Variants in EHMT1 observed in about 807,000 individuals in gnomAD.
The protein encoded by EHMT1 is euchromatic histone lysine methyltransferase 1, also known as histone-lysine N-methyltransferase EHMT1.
EHMT1 carries 15 observed loss-of-function variants against 147.2 expected under a neutral mutation model. The observed-to-expected ratio is 0.10, with a 90% CI of 0.07 to 0.16. The LOEUF (loss-of-function observed/expected upper bound fraction) is 0.16. Ranked by LOEUF, EHMT1 falls within the 10% of genes least tolerant of loss-of-function variation. The probability of loss-of-function intolerance (pLI) is 1.00; values close to 1 mark genes in which losing one functional copy is unlikely to be tolerated. For synonymous variants in EHMT1, 795 were observed against 709.6 expected (o/e 1.12, Z -1.91); for missense variants, 1,587 against 1,772.4 (o/e 0.90, Z 1.88).
At chr9:137,817,058 G>C (rs981937835) in intron 23 of EHMT1, 2 of 284,822 alleles carry the variant, frequency 7.0e-6, no homozygotes, top group Admixed American at 4.7e-5. Flanking sequence ...GCTCCTTGTC[G>C]GGAGCAGGCT....
chr9:137,792,485 A>T (rs1009548930), intron 16 of EHMT1, among the ~76,000 whole-genome samples: 2 of 152,198 alleles, frequency 1.3e-5, no homozygotes, highest in African/African-American at 2.4e-5. Context: ...CAGGTGGATC[A>T]CCTGAGGTCA....
intron 18 of EHMT1, chr9:137,803,103 A>C (rs1953642006): frequency 2.9e-5 from 36 of 1,229,600 alleles, no homozygotes; most frequent in Non-Finnish European, 3.6e-5. Context: ...GGCAGTTTGC[A>C]GCCTGTCCAG....
At chr9:137,637,017 C>A (rs1057398347) in intron 1 of EHMT1, among the ~76,000 whole-genome samples, 2 of 151,610 alleles carry the variant, frequency 1.3e-5, no homozygotes, top group African/African-American at 2.4e-5. Flanking sequence ...CCCGCCTCAG[C>A]CTCCTGAGTG....
At position 137,690,209 on chromosome 9, in the gene EHMT1, G is replaced by A. The variant is rs145299184; in HGVS notation, c.22-20758G>A. On this transcript the variant is annotated intron_variant, in intron 1 of 26. Coordinates refer to ENST00000460843, the MANE Select transcript of EHMT1 (RefSeq NM_024757.5). ...TTTGAAGGCGGAGACTAGATTTGCC[G>A]ATGGACGTCATGTAGAATTTGGAAG... is the stretch of plus-strand genomic sequence containing the variant. Among the ~76,000 whole-genome samples, 1,388 of 152,250 alleles carry A rather than the reference G, an allele frequency of 9.1e-3. 27 individuals carry two copies. The highest frequency in any genetic ancestry group is 0.031 in the African/African-American group (1,294 of 41,532).
At chr9:137,671,077 C>T (rs1281919572) in intron 1 of EHMT1, among the ~76,000 whole-genome samples, 1 of 152,166 alleles carries the variant, frequency 6.6e-6, no homozygotes, top group Non-Finnish European at 1.5e-5. Context: ...AACTCTGAAC[C>T]CTTCCAGGGC....
intron 1 of EHMT1, among the ~76,000 whole-genome samples, chr9:137,677,733 A>G (rs1247187564): frequency 1.3e-5 from 2 of 152,098 alleles, no homozygotes; most frequent in African/African-American, 2.4e-5. Flanking sequence ...TGCTGTTACT[A>G]TATAACACAA....
intron 1 of EHMT1, among the ~76,000 whole-genome samples, chr9:137,629,928 C>T (rs888611598): frequency 2.0e-5 from 3 of 152,148 alleles, no homozygotes; most frequent in African/African-American, 7.2e-5. Context: ...TACTGTTTTG[C>T]TTCTCTTTAA....
intron 1 of EHMT1, among the ~76,000 whole-genome samples, chr9:137,623,720 C>T (rs945992031): frequency 1.3e-5 from 2 of 152,138 alleles, no homozygotes; most frequent in Non-Finnish European, 2.9e-5. Context: ...CGCACCCGGC[C>T]GCAAATGTCT....
In EHMT1 at chr9:137,811,570, C is replaced by T. The variant is rs370354794; in HGVS notation, c.2822C>T (p.Ser941Leu). 5.6e-6 allele frequency: 9 copies of T among 1,606,952 alleles called. No homozygotes were observed. Among genetic ancestry groups the T allele is most frequent in the African/African-American group, 1.3e-5 (1 of 74,956 alleles). Residue 941 changes from serine to leucine, a missense_variant, in exon 19 of 27, where the codon TCG (serine) becomes TTG (leucine). Physicochemically the swap from Ser to Leu is moderately radical, Grantham distance 145. Around this residue, in one of 7 missense-constraint regions of EHMT1, gnomAD observed 201 missense variants for 350.1 expected, o/e 0.57. Transcript: ENST00000460843. ...CACGCCGTGAACATCCACGGAGACTCGCCACTGCACATTGCCGCCCGGGAG... is the reference window on the plus strand; with the variant it reads ...CACGCCGTGAACATCCACGGAGACTTGCCACTGCACATTGCCGCCCGGGAG... ...DLHAVNIHGD[S>L]PLHIAARENR...
intron 1 of EHMT1, among the ~76,000 whole-genome samples, chr9:137,677,211 G>GC (rs1372004064): frequency 2.6e-5 from 4 of 151,964 alleles, no homozygotes; most frequent in African/African-American, 9.7e-5. Context: ...TCTGCTCATT[G>GC]CAACCTCCAC....
chr9:137,744,247 G>C (rs1948358266), intron 6 of EHMT1, among the ~76,000 whole-genome samples, 157 bp downstream of exon 6: 1 of 151,998 alleles, frequency 6.6e-6, no homozygotes, highest in African/African-American at 2.4e-5. Context: ...TGATTTATTA[G>C]ATTATTTTCA....
At chr9:137,722,485 T>G (rs1250204438) in intron 3 of EHMT1, among the ~76,000 whole-genome samples, 1 of 152,230 alleles carries the variant, frequency 6.6e-6, no homozygotes, top group Non-Finnish European at 1.5e-5. Flanking sequence ...CCTGGAGAAC[T>G]TGCTGTGCTC....
intron 14 of EHMT1, among the ~76,000 whole-genome samples, chr9:137,780,787 TGTGTG>T: frequency 1.2e-5 from 1 of 84,926 alleles, no homozygotes; most frequent in Admixed American, 1.2e-4. Context: ...GACGCTGAGA[TGTGTG>T]GTGATGACGG....
Position 137,776,938 on chromosome 9 carries a change from C to G in EHMT1, c.2018+94C>G. 1 of 1,214,938 alleles carries G rather than the reference C, an allele frequency of 8.2e-7. No individual in the cohort carries two copies. Among genetic ancestry groups the G allele is most frequent in the Non-Finnish European group, 1.2e-6 (1 of 848,866 alleles). 75.3% of individuals were successfully genotyped at this position (1,214,938 alleles called of 1,614,324 possible). A position where few individuals can be genotyped will look rare whatever the true frequency, so the allele number is the denominator to read the frequency against. On this transcript the variant is annotated intron_variant, in intron 12 of 26. Coordinates refer to ENST00000460843, the MANE Select transcript of EHMT1 (RefSeq NM_024757.5). The surrounding 1 kb of genome is among the most constrained non-coding windows in gnomAD (Gnocchi z 4.4). Reference sequence around the variant, plus strand: ...CGTTATTGCTTCCTGCTGTTTTTTCCAGAAGTCTCTGAGCTGATGCTGATG... The same window carrying G: ...CGTTATTGCTTCCTGCTGTTTTTTCGAGAAGTCTCTGAGCTGATGCTGATG...
At chr9:137,648,895 C>T (rs1346420768) in intron 1 of EHMT1, among the ~76,000 whole-genome samples, 1 of 152,148 alleles carries the variant, frequency 6.6e-6, no homozygotes, top group African/African-American at 2.4e-5. Flanking sequence ...CCCAAGCCAC[C>T]ACAGTGCCCT....
intron 1 of EHMT1, among the ~76,000 whole-genome samples, chr9:137,664,288 CTT>C (rs796427218): frequency 1.2e-4 from 17 of 142,214 alleles, no homozygotes; most frequent in African/African-American, 3.6e-4. Context: ...TTTAGCCATA[CTT>C]TTTTTTTTTT....
chr9:137,724,048 C>T (rs1946348580), intron 3 of EHMT1, among the ~76,000 whole-genome samples: 1 of 152,238 alleles, frequency 6.6e-6, no homozygotes, highest in South Asian at 2.1e-4. Context: ...AGCTCCATTT[C>T]CTTGTAAATT....
At chr9:137,697,167 G>A in intron 1 of EHMT1, 1 of 354,450 alleles carries the variant, frequency 2.8e-6, no homozygotes, top group Non-Finnish European at 5.9e-6. Context: ...TGTAATCCCA[G>A]CTACTTGGGA....
intron 25 of EHMT1, among the ~76,000 whole-genome samples, chr9:137,829,739 C>A (rs1410870240): frequency 6.6e-6 from 1 of 152,224 alleles, no homozygotes; most frequent in Non-Finnish European, 1.5e-5. Flanking sequence ...TTTCTGTGTG[C>A]CCCCCGTGGT....
Sources: allele counts gnomAD v4.1 joint callset (sites outside exome capture counted in the v4.1 genomes callset), GRCh38; gene constraint gnomAD v4.1.1; regional missense constraint gnomAD v4.1.1; non-coding constraint Gnocchi (gnomAD v3.1); transcripts MANE v1.5; gene names NCBI Gene and HGNC (gene_info 2026-07-23, HGNC 2026-07-21).